SPOCK3: variants seen among roughly 807,000 people sequenced by gnomAD.
The protein encoded by SPOCK3 is SPARC (osteonectin), cwcv and kazal like domains proteoglycan 3.
SPOCK3 carries 30 observed loss-of-function variants against 56.6 expected under a neutral mutation model. That is an observed-to-expected ratio of 0.53 (90% CI 0.40 to 0.72). The LOEUF is 0.72. SPOCK3 is among the 30% of genes least tolerant of loss of function. SPOCK3 has a pLI of 0.00. For synonymous variants in SPOCK3, 196 were observed against 183.3 expected (o/e 1.07, Z -0.56); for missense variants, 527 against 530.0 (o/e 0.99, Z 0.06).
chr4:166,812,872 A>T (rs1424475365), intron 6 of SPOCK3, among the ~76,000 whole-genome samples: 2 of 152,006 alleles, frequency 1.3e-5, no homozygotes, highest in South Asian at 2.1e-4. Context: ...TTTCAAGTTC[A>T]TTGGTCACAT....
At chr4:166,945,264 T>C (rs114796981) in intron 4 of SPOCK3, among the ~76,000 whole-genome samples, 1,766 of 152,238 alleles carry the variant, frequency 0.012, 37 homozygotes, top group African/African-American at 0.04. Context: ...TAAATAGATA[T>C]AGGAAATACA....
At position 166,856,028 on chromosome 4, in the gene SPOCK3, T is replaced by A; in HGVS notation, c.589+33102A>T. ...AGTGACAGGTACAGAAAGACAAATA[T>A]GGCAGGTACAGCAAGATAAGTATGG... On this transcript the variant is annotated intron_variant, in intron 6 of 10. Coordinates refer to ENST00000357545, the MANE Select transcript of SPOCK3 (RefSeq NM_001040159.2). 1.3e-5 allele frequency among the ~76,000 whole-genome samples: 2 copies of A among 152,116 alleles called. 1 individual carries two copies. Among genetic ancestry groups the A allele is most frequent in the Non-Finnish European group, 2.9e-5 (2 of 68,012 alleles).
chr4:167,100,228 G>A (rs1759517116), intron 2 of SPOCK3, among the ~76,000 whole-genome samples: 1 of 152,030 alleles, frequency 6.6e-6, no homozygotes, highest in African/African-American at 2.4e-5. Context: ...TGTAACATAG[G>A]CAGCTATTGT....
chr4:166,886,717 T>G (rs190393030), intron 6 of SPOCK3, among the ~76,000 whole-genome samples: 37 of 152,164 alleles, frequency 2.4e-4, no homozygotes, highest in African/African-American at 6.5e-4. Context: ...AATATCTCAT[T>G]GTTGGTAGTT....
At chr4:167,048,906 C>G (rs1009130684) in intron 3 of SPOCK3, among the ~76,000 whole-genome samples, 5 of 151,996 alleles carry the variant, frequency 3.3e-5, no homozygotes, top group African/African-American at 1.2e-4. Context: ...TGTAAAAGTG[C>G]TTGTTTACTT....
intron 2 of SPOCK3, among the ~76,000 whole-genome samples, chr4:167,109,674 C>T (rs959979074): frequency 1.4e-5 from 2 of 147,472 alleles, no homozygotes; most frequent in Non-Finnish European, 3.0e-5. Flanking sequence ...CAAAGAGAAA[C>T]TCTTGAAGCA....
intron 5 of SPOCK3, among the ~76,000 whole-genome samples, chr4:166,894,658 C>T (rs1024762898): frequency 2.6e-5 from 4 of 151,982 alleles, no homozygotes; most frequent in Admixed American, 1.3e-4. Context: ...CATGTAGTCA[C>T]GAACAAGTTA....
At chr4:167,034,398 G>A (rs1452227177) in intron 3 of SPOCK3, among the ~76,000 whole-genome samples, 1 of 151,884 alleles carries the variant, frequency 6.6e-6, no homozygotes, top group African/African-American at 2.4e-5. Flanking sequence ...CTGATACAAG[G>A]TCGTCCCGGT....
chr4:166,943,764 C>A (rs1741386107), intron 4 of SPOCK3, among the ~76,000 whole-genome samples: 1 of 152,152 alleles, frequency 6.6e-6, no homozygotes, highest in Non-Finnish European at 1.5e-5. Context: ...GTAAACTCCA[C>A]TTCCTTTAGT....
At chr4:166,887,045 T>C (rs915632643) in intron 6 of SPOCK3, among the ~76,000 whole-genome samples, 1 of 152,172 alleles carries the variant, frequency 6.6e-6, no homozygotes, top group African/African-American at 2.4e-5. Context: ...CTTTATCCCT[T>C]GATGATATGA....
chr4:166,750,063 G>T (rs1273383410), intron 8 of SPOCK3, among the ~76,000 whole-genome samples: 3 of 152,114 alleles, frequency 2.0e-5, no homozygotes, highest in African/African-American at 7.2e-5. Flanking sequence ...GAATATGTCT[G>T]CCTACCAGCG....
intron 2 of SPOCK3, among the ~76,000 whole-genome samples, chr4:167,231,807 C>G (rs899573297): frequency 1.3e-5 from 2 of 152,018 alleles, no homozygotes; most frequent in African/African-American, 4.8e-5. Flanking sequence ...ACAGGTGGTT[C>G]AAGGGTAAAA....
chr4:167,222,826 C>T (rs1172390639), intron 2 of SPOCK3, among the ~76,000 whole-genome samples: 12 of 121,906 alleles, frequency 9.8e-5, no homozygotes, highest in Admixed American at 9.8e-4. Context: ...AATATATAAA[C>T]ATAGATATAT....
intron 5 of SPOCK3, among the ~76,000 whole-genome samples, chr4:166,908,229 A>G (rs1018474771): frequency 1.3e-5 from 2 of 151,500 alleles, no homozygotes; most frequent in Non-Finnish European, 2.9e-5. Context: ...TTTGAATTGT[A>G]ATAAAAAAAT....
chr4:166,839,846 C>T (rs1414336755), intron 6 of SPOCK3, among the ~76,000 whole-genome samples: 2 of 152,104 alleles, frequency 1.3e-5, no homozygotes, highest in Non-Finnish European at 2.9e-5. Context: ...CAGACACAGC[C>T]CAAACCACAA....
At chr4:167,102,327 A>C (rs1759724652) in intron 2 of SPOCK3, 1 of 152,194 alleles carries the variant, frequency 6.6e-6, no homozygotes, top group Admixed American at 6.5e-5. Flanking sequence ...AACATGGCTA[A>C]ATAGAAGCCT....
intron 2 of SPOCK3, among the ~76,000 whole-genome samples, chr4:167,114,466 T>C (rs973812821): frequency 2.4e-4 from 37 of 151,942 alleles, no homozygotes; most frequent in African/African-American, 6.5e-4. Context: ...ATATACGAGC[T>C]CCCTCAAGAA....
chr4:167,147,646 C>T (rs1764079564), intron 2 of SPOCK3, among the ~76,000 whole-genome samples: 1 of 152,072 alleles, frequency 6.6e-6, no homozygotes, highest in African/African-American at 2.4e-5. Flanking sequence ...AGGATGAGTT[C>T]ATGTCCTTTT....
chr4:167,116,728 TAC>T (rs1191420463), intron 2 of SPOCK3, among the ~76,000 whole-genome samples: 1 of 134,602 alleles, frequency 7.4e-6, no homozygotes, highest in Admixed American at 7.7e-5. Flanking sequence ...TATGTATATA[TAC>T]ACACATATAG....
Sources: allele counts gnomAD v4.1 joint callset (sites outside exome capture counted in the v4.1 genomes callset), GRCh38; gene constraint gnomAD v4.1.1; transcripts MANE v1.5; gene names NCBI Gene and HGNC (gene_info 2026-07-23, HGNC 2026-07-21).